VTI1A: variants seen among roughly 807,000 people sequenced by gnomAD.
The protein encoded by VTI1A is vesicle transport through interaction with t-SNAREs homolog 1A.
VTI1A carries 22 observed loss-of-function variants against 34.9 expected under a neutral mutation model. The ratio of observed to expected loss-of-function variants is 0.63; its 90% confidence interval spans 0.45 to 0.90. The LOEUF (loss-of-function observed/expected upper bound fraction) is 0.90. Among genes scored for constraint, VTI1A ranks in the 40% least tolerant of loss-of-function variants. VTI1A has a pLI of 0.00. For synonymous variants in VTI1A, 87 were observed against 97.3 expected, an observed-to-expected ratio of 0.89 and a Z score of 0.62; for missense variants, 268 against 275.6, an observed-to-expected ratio of 0.97 and a Z score of 0.20.
intron 5 of VTI1A, among the ~76,000 whole-genome samples, chr10:112,634,728 T>G (rs1846277949): frequency 6.6e-6 from 1 of 152,202 alleles, no homozygotes; most frequent in South Asian, 2.1e-4. Context: ...TTATCTTTTT[T>G]GACTCTCACT....
chr10:112,666,078 A>T (rs1490504255), intron 5 of VTI1A, among the ~76,000 whole-genome samples: 1 of 152,200 alleles, frequency 6.6e-6, no homozygotes, highest in Admixed American at 6.5e-5. Flanking sequence ...TAACAGTATG[A>T]CAAATTTGAA....
intron 7 of VTI1A, among the ~76,000 whole-genome samples, chr10:112,759,969 TG>T (rs1185192182): frequency 6.6e-6 from 1 of 152,226 alleles, no homozygotes; most frequent in Non-Finnish European, 1.5e-5. Flanking sequence ...CAGTTTGGGA[TG>T]GGAGAACAAT....
chr10:112,848,304 A>G, the VTI1A span, among the ~76,000 whole-genome samples: 1 of 152,172 alleles, frequency 6.6e-6, no homozygotes, highest in Non-Finnish European at 1.5e-5. Context: ...CAGACTGGAG[A>G]TGCCATTGGT....
At chr10:112,629,024 G>A (rs1227969357) in intron 5 of VTI1A, among the ~76,000 whole-genome samples, 1 of 152,038 alleles carries the variant, frequency 6.6e-6, no homozygotes, top group African/African-American at 2.4e-5. Flanking sequence ...TTCTATTACT[G>A]GTTACTCACT....
chr10:112,772,481 T>C (rs1851841372), intron 7 of VTI1A, among the ~76,000 whole-genome samples: 1 of 152,236 alleles, frequency 6.6e-6, no homozygotes, highest in Non-Finnish European at 1.5e-5. Flanking sequence ...CATGTTCTCC[T>C]ATTCTACAGC....
rs1301912520 is a variant in VTI1A, at chr10:112,740,057, TG to T, written c.560+71061del. Among the ~76,000 whole-genome samples, 12 of 152,384 alleles carry T rather than the reference TG, an allele frequency of 7.9e-5. No homozygotes were observed. In the East Asian group the frequency reaches 2.3e-3, roughly 29 times the overall value. ...TGCAGCTTTGAATGCCCTTTGTGAATGGTTTCGTCATTTTGTTTTTAAACGT... is the reference window on the plus strand; with the variant it reads ...TGCAGCTTTGAATGCCCTTTGTGAATGTTTCGTCATTTTGTTTTTAAACGT... On this transcript the variant is annotated intron_variant, in intron 7 of 7. Transcript: ENST00000393077.
intron 7 of VTI1A, among the ~76,000 whole-genome samples, chr10:112,779,062 C>T (rs1051894143): frequency 1.3e-5 from 2 of 152,178 alleles, no homozygotes; most frequent in Non-Finnish European, 2.9e-5. Context: ...GGAAATCTCA[C>T]GTTTGCTTTA....
chr10:112,598,824 G>A (rs1416453523), intron 5 of VTI1A, among the ~76,000 whole-genome samples: 1 of 152,186 alleles, frequency 6.6e-6, no homozygotes, highest in African/African-American at 2.4e-5. Context: ...GGTAATGCTG[G>A]TGTGTAAAGA....
At chr10:112,531,677 AATG>A (rs905294440) in intron 4 of VTI1A, among the ~76,000 whole-genome samples, 12 of 152,138 alleles carry the variant, frequency 7.9e-5, no homozygotes, top group African/African-American at 2.7e-4. Context: ...GCATGCCCCA[AATG>A]GTCTCTATTG....
chr10:112,603,266 T>G (rs928028300), intron 5 of VTI1A, among the ~76,000 whole-genome samples: 2 of 152,142 alleles, frequency 1.3e-5, no homozygotes, highest in Admixed American at 6.5e-5. Flanking sequence ...AACTGGGAGC[T>G]TGTTGACAAT....
chr10:112,621,864 C>T (rs1416509223), intron 5 of VTI1A, among the ~76,000 whole-genome samples: 1 of 152,194 alleles, frequency 6.6e-6, no homozygotes, highest in African/African-American at 2.4e-5. Flanking sequence ...TCTCCATTTT[C>T]CACGCTATAC....
intron 7 of VTI1A, among the ~76,000 whole-genome samples, chr10:112,701,497 T>C (rs1849008414): frequency 6.6e-6 from 1 of 152,206 alleles, no homozygotes; most frequent in Non-Finnish European, 1.5e-5. Flanking sequence ...GTTGGTTTCT[T>C]TGTATTTTCA....
intron 7 of VTI1A, among the ~76,000 whole-genome samples, chr10:112,755,261 A>G (rs532846038): frequency 4.8e-5 from 4 of 82,504 alleles, no homozygotes; most frequent in African/African-American, 1.2e-4. Context: ...CTCAAAAAAA[A>G]AAGAAAGAAA....
intron 7 of VTI1A, among the ~76,000 whole-genome samples, chr10:112,712,276 T>C (rs938330306): frequency 6.6e-6 from 1 of 152,144 alleles, no homozygotes; most frequent in Non-Finnish European, 1.5e-5. Context: ...TCTCTTTTTA[T>C]TGGACCAGGA....
At chr10:112,671,582 T>A (rs553843652) in intron 7 of VTI1A, among the ~76,000 whole-genome samples, 1 of 152,334 alleles carries the variant, frequency 6.6e-6, no homozygotes, top group South Asian at 2.1e-4. Context: ...TTCTTAAATT[T>A]GTAAAGTGAA....
intron 7 of VTI1A, among the ~76,000 whole-genome samples, chr10:112,772,312 G>A (rs1851834543): frequency 6.6e-6 from 1 of 152,196 alleles, no homozygotes; most frequent in Non-Finnish European, 1.5e-5. Context: ...ATGATGTTGA[G>A]CATGTTTTCC....
intron 5 of VTI1A, among the ~76,000 whole-genome samples, chr10:112,627,904 G>T (rs188349107): frequency 3.0e-4 from 46 of 152,080 alleles, no homozygotes; most frequent in African/African-American, 9.4e-4. Flanking sequence ...ATTCCAGGGG[G>T]TTCTACTTGA....
chr10:112,568,249 G>C (rs557003790), intron 5 of VTI1A, among the ~76,000 whole-genome samples: 25 of 152,322 alleles, frequency 1.6e-4, no homozygotes, highest in African/African-American at 5.5e-4. Flanking sequence ...GCTCACGCCT[G>C]TAATCCCAGC....
chr10:112,845,640 C>G, the VTI1A span, among the ~76,000 whole-genome samples: 1 of 152,180 alleles, frequency 6.6e-6, no homozygotes, highest in African/African-American at 2.4e-5. Context: ...GAGGAAAAGC[C>G]TCCGCGGGAG....
Sources: allele counts gnomAD v4.1 joint callset (sites outside exome capture counted in the v4.1 genomes callset), GRCh38; gene constraint gnomAD v4.1.1; transcripts MANE v1.5; gene names NCBI Gene and HGNC (gene_info 2026-07-23, HGNC 2026-07-21).